Variants in DOCK3 observed in about 807,000 individuals in gnomAD.
The protein encoded by DOCK3 is dedicator of cytokinesis 3, also known as dedicator of cytokinesis protein 3.
DOCK3 carries 60 observed loss-of-function variants against 265.6 expected under a neutral mutation model. That is an observed-to-expected ratio of 0.23 (90% CI 0.18 to 0.28). The LOEUF (loss-of-function observed/expected upper bound fraction) is 0.28, where lower values mean the gene tolerates loss of function less well. Among genes scored for constraint, DOCK3 ranks in the 10% least tolerant of loss-of-function variants. The pLI, the probability that DOCK3 is intolerant of heterozygous loss-of-function variation, is 1.00. For missense variants in DOCK3, 1,981 were observed against 2,594.3 expected, an observed-to-expected ratio of 0.76 and a Z score of 5.14; for synonymous variants, 881 against 938.0, an observed-to-expected ratio of 0.94 and a Z score of 1.11.
At position 51,236,326 on chromosome 3, in the gene DOCK3, G is replaced by T; in HGVS notation, c.1918-19G>T. On this transcript the variant is annotated intron_variant, in intron 19 of 52. Transcript: ENST00000266037. ...TAAGGTCCTGAGACCTGAGCCCTCT[G>T]CTTTTTATGTTGTTTTAGTTTCTGC... The T allele has an allele frequency of 2.5e-6, 4 of 1,602,602 alleles. No individual in the cohort carries two copies. The highest frequency in any genetic ancestry group is 1.7e-6 in the Non-Finnish European group (2 of 1,169,684).
chr3:51,285,803 C>CG (rs2081373232), intron 27 of DOCK3, among the ~76,000 whole-genome samples: 1 of 151,846 alleles, frequency 6.6e-6, no homozygotes, highest in Non-Finnish European at 1.5e-5. Flanking sequence ...GGTGTGGTGG[C>CG]GGGCGCCTGT....
intron 13 of DOCK3, among the ~76,000 whole-genome samples, chr3:51,210,175 T>C (rs2089426992): frequency 6.6e-6 from 1 of 152,168 alleles, no homozygotes; most frequent in Non-Finnish European, 1.5e-5. Context: ...TAGTACTAAT[T>C]CATGAAAGAG....
intron 5 of DOCK3, among the ~76,000 whole-genome samples, chr3:51,039,883 C>CTTT (rs60370676): frequency 2.5e-4 from 25 of 99,852 alleles, no homozygotes; most frequent in African/African-American, 9.3e-4. Context: ...GCTTTGAGGT[C>CTTT]TTTTTTTTTT....
At chr3:51,169,756 AAAG>A (rs1166987240) in intron 12 of DOCK3, among the ~76,000 whole-genome samples, 1 of 152,184 alleles carries the variant, frequency 6.6e-6, no homozygotes, top group East Asian at 1.9e-4. Context: ...AAAAAAAAAA[AAAG>A]AAATGGTCAT....
chr3:51,288,192 GA>G (rs1411660533), intron 27 of DOCK3, among the ~76,000 whole-genome samples: 1 of 152,118 alleles, frequency 6.6e-6, no homozygotes, highest in Non-Finnish European at 1.5e-5. Context: ...AGGAGTTCGA[GA>G]CCAGCCTGGT....
At chr3:50,767,800 T>A (rs929008347) in intron 1 of DOCK3, among the ~76,000 whole-genome samples, 3 of 152,116 alleles carry the variant, frequency 2.0e-5, no homozygotes, top group Admixed American at 1.3e-4. Context: ...TTCGTTGAGC[T>A]GTGGTTTGTA....
chr3:51,276,259 A>G, intron 25 of DOCK3: 3 of 569,172 alleles, frequency 5.3e-6, no homozygotes, highest in Non-Finnish European at 6.7e-6. Flanking sequence ...TGGCCCTATT[A>G]TTTGATCTTG....
chr3:51,232,764 T>TC (rs1276066592), intron 19 of DOCK3, among the ~76,000 whole-genome samples: 3 of 152,330 alleles, frequency 2.0e-5, no homozygotes, highest in African/African-American at 7.2e-5. Flanking sequence ...CCTTGTAGAT[T>TC]CTGGATACTA....
chr3:50,778,503 A>G (rs1191309938), intron 1 of DOCK3, among the ~76,000 whole-genome samples, 172 bp from the exon 2 acceptor site: 1 of 152,178 alleles, frequency 6.6e-6, no homozygotes, highest in East Asian at 1.9e-4. Flanking sequence ...CAAACTGCTA[A>G]TATTATTTTT....
At chr3:50,752,269 G>C (rs775544044) in intron 1 of DOCK3, among the ~76,000 whole-genome samples, 7 of 152,040 alleles carry the variant, frequency 4.6e-5, no homozygotes, top group Admixed American at 6.6e-5. Flanking sequence ...CCAGTACTTT[G>C]GGAGGCCGAG....
chr3:51,265,121 G>A (rs2080091194), intron 23 of DOCK3, among the ~76,000 whole-genome samples: 2 of 152,028 alleles, frequency 1.3e-5, no homozygotes, highest in Non-Finnish European at 1.5e-5. Context: ...ATAAATTCCT[G>A]GACACATGCG....
At chr3:51,267,812 T>TA (rs1198197353) in intron 23 of DOCK3, among the ~76,000 whole-genome samples, 11 of 152,046 alleles carry the variant, frequency 7.2e-5, no homozygotes, top group Non-Finnish European at 1.5e-4. Flanking sequence ...TATGCAGCCA[T>TA]AAAAAAGGAT....
chr3:50,833,906 G>C (rs759352230), intron 2 of DOCK3, among the ~76,000 whole-genome samples: 17 of 152,200 alleles, frequency 1.1e-4, no homozygotes, highest in Non-Finnish European at 1.9e-4. Flanking sequence ...AGACAAATAT[G>C]CTTCAAATTT....
intron 9 of DOCK3, among the ~76,000 whole-genome samples, chr3:51,113,131 A>G (rs377606364): frequency 2.0e-5 from 3 of 152,198 alleles, no homozygotes; most frequent in South Asian, 2.1e-4. Flanking sequence ...AGACAGAGAA[A>G]ATCCCTGTAT....
At chr3:51,212,716 A>T (rs1314860190) in intron 13 of DOCK3, among the ~76,000 whole-genome samples, 2 of 152,194 alleles carry the variant, frequency 1.3e-5, no homozygotes, top group Non-Finnish European at 2.9e-5. Flanking sequence ...GGTTTAGTCC[A>T]CCAGTGATTA....
At chr3:51,152,919 A>G (rs1395339257) in intron 10 of DOCK3, among the ~76,000 whole-genome samples, 1 of 152,206 alleles carries the variant, frequency 6.6e-6, no homozygotes, top group African/African-American at 2.4e-5. Flanking sequence ...GTCAGCCCCT[A>G]CTGGGAGGTG....
intron 28 of DOCK3, 35 bp from the exon 29 acceptor site, chr3:51,311,967 CTT>C (rs762882373): frequency 2.5e-5 from 37 of 1,502,152 alleles, no homozygotes; most frequent in Non-Finnish European, 2.7e-5. Context: ...CATTGTTAGT[CTT>C]TTAATTCTGC....
intron 3 of DOCK3, among the ~76,000 whole-genome samples, chr3:50,855,012 C>T (rs990888127): frequency 2.6e-5 from 4 of 151,986 alleles, no homozygotes; most frequent in South Asian, 2.1e-4. Flanking sequence ...ACCATTACCA[C>T]GCTGTTTCAC....
chr3:50,779,914 C>T (rs1304624389), intron 2 of DOCK3, among the ~76,000 whole-genome samples: 3 of 152,138 alleles, frequency 2.0e-5, no homozygotes, highest in Non-Finnish European at 2.9e-5. Flanking sequence ...CAGTTCAGTA[C>T]GGCTACAAGC....
Sources: allele counts gnomAD v4.1 joint callset (sites outside exome capture counted in the v4.1 genomes callset), GRCh38; gene constraint gnomAD v4.1.1; transcripts MANE v1.5; gene names NCBI Gene and HGNC (gene_info 2026-07-23, HGNC 2026-07-21).